The following ZHX2 variants were observed in gnomAD, a reference collection of about 807,000 sequenced individuals.
ZHX2 encodes the protein zinc fingers and homeoboxes 2, also known as zinc fingers and homeoboxes protein 2.
In ZHX2, 6 loss-of-function variants were observed where a neutral mutation model predicts 21.9. That is an observed-to-expected ratio of 0.27 (90% CI 0.15 to 0.54). ZHX2 has a LOEUF of 0.54. Among genes scored for constraint, ZHX2 ranks in the 20% least tolerant of loss-of-function variants. The pLI, the probability that ZHX2 is intolerant of heterozygous loss-of-function variation, is 0.95. For missense variants in ZHX2, 908 were observed against 1,090.7 expected (o/e 0.83, Z 2.36); for synonymous variants, 434 against 437.1 (o/e 0.99, Z 0.09).
intron 1 of ZHX2, chr8:122,809,073 G>C (rs1817876932): frequency 6.6e-6 from 1 of 152,218 alleles, no homozygotes; most frequent in Non-Finnish European, 1.5e-5. Flanking sequence ...ACCAGAAGCT[G>C]TGAGGTTCTT....
chr8:122,914,278 C>T (rs1311726210), intron 2 of ZHX2, among the ~76,000 whole-genome samples: 2 of 152,160 alleles, frequency 1.3e-5, no homozygotes, highest in Non-Finnish European at 2.9e-5. Context: ...TGGAGATGGC[C>T]ATGTGTACTA....
chr8:122,941,830 C>T (rs1243941404), intron 2 of ZHX2, among the ~76,000 whole-genome samples: 2 of 152,180 alleles, frequency 1.3e-5, no homozygotes, highest in Non-Finnish European at 2.9e-5. Context: ...AATATACATT[C>T]CCAGGCTCTG....
intron 1 of ZHX2, among the ~76,000 whole-genome samples, chr8:122,789,243 A>G (rs958519592): frequency 3.3e-5 from 5 of 152,206 alleles, no homozygotes; most frequent in African/African-American, 7.2e-5. Context: ...ACGTCTGCCT[A>G]TGGCTCTCCC....
At chr8:122,853,756 A>G (rs920822434) in intron 1 of ZHX2, among the ~76,000 whole-genome samples, 5 of 151,300 alleles carry the variant, frequency 3.3e-5, no homozygotes, top group African/African-American at 1.2e-4. Flanking sequence ...CCCACCCACT[A>G]TCTCCCCATG....
chr8:122,804,429 T>A (rs185962178), intron 1 of ZHX2, among the ~76,000 whole-genome samples: 2 of 152,294 alleles, frequency 1.3e-5, no homozygotes, highest in African/African-American at 4.8e-5. Flanking sequence ...AGTCATTCAT[T>A]CAACAAACAT....
intron 1 of ZHX2, among the ~76,000 whole-genome samples, chr8:122,793,288 G>T (rs1289955759): frequency 6.6e-6 from 1 of 152,168 alleles, no homozygotes; most frequent in Non-Finnish European, 1.5e-5. Flanking sequence ...ATCACCCAGG[G>T]ACCAGGAAGT....
intron 2 of ZHX2, among the ~76,000 whole-genome samples, chr8:122,932,575 A>G (rs1358490981): frequency 6.6e-6 from 1 of 152,190 alleles, no homozygotes; most frequent in Non-Finnish European, 1.5e-5. Context: ...GGTTGCAGTG[A>G]GCTGAGATCG....
chr8:122,807,060 C>G (rs1293871340), intron 1 of ZHX2, among the ~76,000 whole-genome samples: 4 of 152,088 alleles, frequency 2.6e-5, no homozygotes, highest in Admixed American at 6.6e-5. Flanking sequence ...GAAGGGTGGA[C>G]AGTGGAAGGG....
At chr8:122,881,676 C>T (rs1050400817) in intron 2 of ZHX2, among the ~76,000 whole-genome samples, 4 of 152,140 alleles carry the variant, frequency 2.6e-5, no homozygotes, top group Non-Finnish European at 5.9e-5. Context: ...ACAACATTTA[C>T]GGGTCCATTG....
chr8:122,808,655 T>A (rs1332893351), intron 1 of ZHX2: 1 of 152,234 alleles, frequency 6.6e-6, no homozygotes, highest in African/African-American at 2.4e-5. Context: ...TATAGAGCAC[T>A]GGCTGTGGTC....
intron 2 of ZHX2, among the ~76,000 whole-genome samples, chr8:122,880,474 GAT>G (rs983066988): frequency 6.6e-6 from 1 of 151,450 alleles, no homozygotes; most frequent in Non-Finnish European, 1.5e-5. Flanking sequence ...GGAACCTTGA[GAT>G]AGAGATGCTC....
At position 122,953,845 on chromosome 8, in the gene ZHX2, G is replaced by T. The variant is rs3802264; in HGVS notation, c.2335G>T (p.Gly779Cys). The change falls in exon 3 of 4, where the codon GGC becomes TGC. Residue 779 changes from glycine (G) to cysteine (C), a missense_variant. Gly to Cys is a radical substitution (Grantham distance 159, BLOSUM62 -3). Transcript: ENST00000314393. The surrounding 1 kb of genome is among the most constrained non-coding windows in gnomAD (Gnocchi z 4.6). ...CCGGTCAGAGGGCAGCAGCCGGGACGGCCAGGGTAGCGACGAGAACGAGGA... is the reference window on the plus strand; with the variant it reads ...CCGGTCAGAGGGCAGCAGCCGGGACTGCCAGGGTAGCGACGAGAACGAGGA... ...SDRSEGSSRD[G>C]QGSDENEESS... 87 of 1,614,052 alleles carry T rather than the reference G, an allele frequency of 5.4e-5. No individual in the cohort carries two copies. The highest frequency in any genetic ancestry group is 7.1e-5 in the Non-Finnish European group (84 of 1,180,032).
intron 2 of ZHX2, among the ~76,000 whole-genome samples, chr8:122,873,736 T>C (rs1293608622): frequency 2.6e-5 from 4 of 152,206 alleles, no homozygotes; most frequent in African/African-American, 9.6e-5. Context: ...CTCACTGAGC[T>C]GAAGGTGACA....
chr8:122,972,855 G>T (rs1813760382), intron 3 of ZHX2, among the ~76,000 whole-genome samples: 1 of 152,156 alleles, frequency 6.6e-6, no homozygotes, highest in Admixed American at 6.5e-5. Context: ...GAGAAGTTAG[G>T]ACCCAAATCC....
intron 2 of ZHX2, among the ~76,000 whole-genome samples, chr8:122,866,813 T>C (rs763721120): frequency 2.0e-5 from 3 of 152,260 alleles, no homozygotes; most frequent in South Asian, 4.1e-4. Context: ...CTAGACAAAA[T>C]AATTTCTTTA....
chr8:122,896,548 A>G (rs1427759071), intron 2 of ZHX2, among the ~76,000 whole-genome samples: 1 of 152,236 alleles, frequency 6.6e-6, no homozygotes. Context: ...TTTATTGAGC[A>G]TCTATTACAT....
intron 2 of ZHX2, among the ~76,000 whole-genome samples, chr8:122,874,927 C>A (rs1398584854): frequency 1.3e-5 from 2 of 151,564 alleles, no homozygotes; most frequent in Non-Finnish European, 2.9e-5. Context: ...CCAGCTCTAT[C>A]CCTTACTAGC....
chr8:122,970,490 T>C (rs1232134927), intron 3 of ZHX2, among the ~76,000 whole-genome samples: 1 of 151,776 alleles, frequency 6.6e-6, no homozygotes, highest in East Asian at 1.9e-4. Flanking sequence ...CTCTGGGAGG[T>C]TAAGTAACCA....
At chr8:122,913,402 C>T (rs1466904796) in intron 2 of ZHX2, among the ~76,000 whole-genome samples, 1 of 152,234 alleles carries the variant, frequency 6.6e-6, no homozygotes, top group Non-Finnish European at 1.5e-5. Context: ...AGCCTAACCA[C>T]TCTACTCCTC....
Sources: allele counts gnomAD v4.1 joint callset (sites outside exome capture counted in the v4.1 genomes callset), GRCh38; gene constraint gnomAD v4.1.1; non-coding constraint Gnocchi (gnomAD v3.1); transcripts MANE v1.5; gene names NCBI Gene and HGNC (gene_info 2026-07-23, HGNC 2026-07-21).